The following PTPRD variants were observed in gnomAD, a reference collection of about 807,000 sequenced individuals.
PTPRD encodes the protein protein tyrosine phosphatase receptor type D.
In PTPRD, 34 loss-of-function variants were observed where a neutral mutation model predicts 214.5. The observed-to-expected ratio is 0.16, with a 90% CI of 0.12 to 0.21. The LOEUF is 0.21. PTPRD is among the 10% of genes least tolerant of loss of function. PTPRD has a pLI of 1.00. For synonymous variants in PTPRD, 1,128 were observed against 845.7 expected, an observed-to-expected ratio of 1.33 and a Z score of -5.79; for missense variants, 2,545 against 2,398.7, an observed-to-expected ratio of 1.06 and a Z score of -1.27.
chr9:9,376,860 AG>A (rs2060935057), intron 9 of PTPRD, among the ~76,000 whole-genome samples: 1 of 152,132 alleles, frequency 6.6e-6, no homozygotes, highest in African/African-American at 2.4e-5. Context: ...TATATCCTTT[AG>A]TATTCAGTAA....
At chr9:9,493,946 A>G (rs188605164) in intron 8 of PTPRD, among the ~76,000 whole-genome samples, 1 of 152,280 alleles carries the variant, frequency 6.6e-6, no homozygotes, top group East Asian at 1.9e-4. Context: ...GCTATTAAGA[A>G]CATTTGTAAT....
At chr9:10,577,997 C>T (rs996229443) in intron 2 of PTPRD, among the ~76,000 whole-genome samples, 10 of 151,642 alleles carry the variant, frequency 6.6e-5, no homozygotes, top group East Asian at 3.9e-4. Flanking sequence ...CTGCAACCTC[C>T]GCCTCCCAGG....
intron 12 of PTPRD, among the ~76,000 whole-genome samples, chr9:8,693,333 T>C (rs2097847464): frequency 6.6e-6 from 1 of 152,226 alleles, no homozygotes; most frequent in African/African-American, 2.4e-5. Context: ...TCATTCACTT[T>C]CCTCTCATGA....
intron 5 of PTPRD, among the ~76,000 whole-genome samples, chr9:9,769,089 A>T (rs1238705797): frequency 6.6e-6 from 1 of 152,182 alleles, no homozygotes; most frequent in Non-Finnish European, 1.5e-5. Context: ...TATTAGGAGG[A>T]AATAAGACTT....
chr9:10,312,728 G>C (rs1240275159), intron 3 of PTPRD, among the ~76,000 whole-genome samples: 1 of 151,848 alleles, frequency 6.6e-6, no homozygotes, highest in African/African-American at 2.4e-5. Flanking sequence ...TAAAAATGAT[G>C]CTAAAGTAGC....
At chr9:8,328,401 T>G (rs911544436) in intron 44 of PTPRD, among the ~76,000 whole-genome samples, 1 of 152,206 alleles carries the variant, frequency 6.6e-6, no homozygotes, top group African/African-American at 2.4e-5. Context: ...TAGTCTGATG[T>G]GCTTCCCTTT....
chr9:9,593,089 G>A (rs1390047163), intron 7 of PTPRD, among the ~76,000 whole-genome samples: 2 of 148,054 alleles, frequency 1.4e-5, no homozygotes, highest in African/African-American at 2.5e-5. Flanking sequence ...AGAGAGAGAG[G>A]AAGAAAGACA....
intron 10 of PTPRD, among the ~76,000 whole-genome samples, chr9:9,041,926 A>C (rs1211887127): frequency 1.3e-5 from 2 of 152,206 alleles, no homozygotes; most frequent in Non-Finnish European, 2.9e-5. Context: ...AAACACAAGA[A>C]GTTAATTTAG....
At chr9:8,384,379 G>T (rs1430287817) in intron 37 of PTPRD, among the ~76,000 whole-genome samples, 1 of 151,934 alleles carries the variant, frequency 6.6e-6, no homozygotes, top group Non-Finnish European at 1.5e-5. Context: ...AAACTTGAGA[G>T]GATTTGGCAA....
rs967203023 is a variant in PTPRD, at chr9:8,517,877, C to T, written c.1514G>A (p.Ser505Asn). 1.2e-6 allele frequency: 2 copies of T among 1,613,840 alleles called. No homozygotes were observed. Among genetic ancestry groups the T allele is most frequent in the Middle Eastern group, 1.6e-4 (1 of 6,082 alleles). ...TGTCTGAGTGATGACTTGTATGTCA[C>T]TTGAAAGGGGACCATCTCCAATTGA... Reference protein sequence around the residue: ...FTSIGDGPLSSDIQVITQTGV... With the variant: ...FTSIGDGPLSNDIQVITQTGV... The change falls in exon 21 of 46, where the codon AGT (serine) becomes AAT (asparagine). Residue 505 changes from serine to asparagine, a missense_variant. By Grantham distance (46) the Ser-to-Asn change is conservative. Transcript: ENST00000381196.
At chr9:9,242,383 T>C (rs2099970793) in intron 9 of PTPRD, among the ~76,000 whole-genome samples, 1 of 152,282 alleles carries the variant, frequency 6.6e-6, no homozygotes, top group South Asian at 2.1e-4. Flanking sequence ...TGAATCTGAA[T>C]GTTGACCTGC....
chr9:9,423,499 A>G (rs922196149), intron 8 of PTPRD, among the ~76,000 whole-genome samples: 13 of 152,162 alleles, frequency 8.5e-5, no homozygotes, highest in African/African-American at 3.1e-4. Context: ...TTGTATGACA[A>G]CCTAGGGTAG....
intron 3 of PTPRD, among the ~76,000 whole-genome samples, chr9:10,202,632 T>C (rs2099430659): frequency 6.8e-6 from 1 of 146,186 alleles, no homozygotes. Context: ...GTGCTTCAAA[T>C]GCCATAGCAC....
intron 7 of PTPRD, among the ~76,000 whole-genome samples, chr9:9,694,883 A>C: frequency 6.6e-6 from 1 of 152,168 alleles, no homozygotes; most frequent in East Asian, 1.9e-4. Context: ...GACCTTGGTC[A>C]GGTCCAGAAA....
At chr9:8,614,118 T>C (rs1045082955) in intron 14 of PTPRD, among the ~76,000 whole-genome samples, 5 of 152,174 alleles carry the variant, frequency 3.3e-5, no homozygotes, top group African/African-American at 1.2e-4. Flanking sequence ...TAATACATTA[T>C]TGGTAAATGT....
At chr9:10,373,315 G>C (rs74953826) in intron 2 of PTPRD, among the ~76,000 whole-genome samples, 2,353 of 152,068 alleles carry the variant, frequency 0.015, 60 homozygotes, top group African/African-American at 0.054. Flanking sequence ...TCTGAATTTA[G>C]CCTCTACTGA....
intron 11 of PTPRD, among the ~76,000 whole-genome samples, chr9:8,799,388 G>T (rs2096524971): frequency 6.6e-6 from 1 of 152,190 alleles, no homozygotes; most frequent in South Asian, 2.1e-4. Flanking sequence ...GGTGACCCCT[G>T]AAGTTCTTTG....
chr9:9,900,345 CA>C (rs1566122132), intron 5 of PTPRD, among the ~76,000 whole-genome samples: 2 of 152,208 alleles, frequency 1.3e-5, no homozygotes, highest in African/African-American at 4.8e-5. Flanking sequence ...GCTAAATAAT[CA>C]CCCTTAAGTT....
At position 8,674,130 on chromosome 9, in the gene PTPRD, CAT is replaced by C. The variant is rs113624608; in HGVS notation, c.65-37288_65-37287del. Among the ~76,000 whole-genome samples the C allele has an allele frequency of 8.3e-3, 1,261 of 152,224 alleles. 24 individuals are homozygous for C. The highest frequency in any genetic ancestry group is 0.026 in the African/African-American group (1,062 of 41,542). On this transcript the variant is annotated intron_variant, in intron 12 of 45. Coordinates refer to ENST00000381196, the MANE Select transcript of PTPRD (RefSeq NM_002839.4). Reference sequence around the variant, plus strand: ...AAAAAATCACATAGACACACACACACATATACGCATCCAAAATTATTTTGAAT... The same window carrying C: ...AAAAAATCACATAGACACACACACACATACGCATCCAAAATTATTTTGAAT...
Sources: allele counts gnomAD v4.1 joint callset (sites outside exome capture counted in the v4.1 genomes callset), GRCh38; gene constraint gnomAD v4.1.1; transcripts MANE v1.5; gene names NCBI Gene and HGNC (gene_info 2026-07-23, HGNC 2026-07-21).